RTL4: variants seen among roughly 807,000 people sequenced by gnomAD.
RTL4 encodes retrotransposon Gag like 4, also known as retrotransposon Gag-like protein 4.
In RTL4, 4 loss-of-function variants were observed where a neutral mutation model predicts 5.3. The observed-to-expected ratio is 0.75, with a 90% CI of 0.37 to 1.72. The LOEUF is 1.72. Among genes scored for constraint, RTL4 ranks in the 40% most tolerant of loss-of-function variants. RTL4 has a pLI of 0.04. For missense variants in RTL4, 260 were observed against 227.1 expected (o/e 1.14, Z -0.93); for synonymous variants, 98 against 87.3 (o/e 1.12, Z -0.68).
At chrX:112,247,984 A>G in the RTL4 span, among the ~76,000 whole-genome samples, 2 of 112,030 alleles carry the variant, frequency 1.8e-5, no homozygotes, top group Admixed American at 9.5e-5. Flanking sequence ...ATGTAAACAG[A>G]TTTGGCTAAT....
the RTL4 span, among the ~76,000 whole-genome samples, chrX:112,157,062 GT>G: frequency 1.1e-5 from 1 of 92,225 alleles, no homozygotes; most frequent in African/African-American, 4.3e-5. Context: ...CTGTTATACT[GT>G]TTGTGTGTGT....
chrX:112,360,876 G>A, the RTL4 span, among the ~76,000 whole-genome samples: 2 of 110,861 alleles, frequency 1.8e-5, no homozygotes, highest in East Asian at 2.8e-4. Flanking sequence ...ATTCATAATC[G>A]TATGTCATAT....
At chrX:112,370,904 GGTCATCAT>G in the RTL4 span, among the ~76,000 whole-genome samples, 2 of 110,185 alleles carry the variant, frequency 1.8e-5, no homozygotes, top group African/African-American at 6.6e-5. Flanking sequence ...ATTGCTCTGA[GGTCATCAT>G]GTTCCCTGTC....
At chrX:112,340,635 A>G in the RTL4 span, among the ~76,000 whole-genome samples, 1 of 107,043 alleles carries the variant, frequency 9.3e-6, no homozygotes, top group Admixed American at 9.9e-5. Flanking sequence ...TTAGGCCGTT[A>G]GGACAAAAAA....
chrX:112,303,280 G>A, the RTL4 span, among the ~76,000 whole-genome samples: 9 of 111,016 alleles, frequency 8.1e-5, 1 homozygote, highest in Admixed American at 2.9e-4. Context: ...AGTTCATTAC[G>A]TGTTAATTAG....
At chrX:112,172,061 T>C in the RTL4 span, among the ~76,000 whole-genome samples, 2 of 111,922 alleles carry the variant, frequency 1.8e-5, no homozygotes, top group Admixed American at 1.9e-4. Flanking sequence ...AGGCTGGGCG[T>C]GGTGGCTCAC....
At chrX:112,271,601 T>C in the RTL4 span, among the ~76,000 whole-genome samples, 2 of 112,352 alleles carry the variant, frequency 1.8e-5, no homozygotes, top group South Asian at 7.4e-4. Flanking sequence ...CTTGAGAGTT[T>C]ATAATATTGT....
At chrX:112,156,798 G>A in the RTL4 span, among the ~76,000 whole-genome samples, 1 of 111,461 alleles carries the variant, frequency 9.0e-6, no homozygotes, top group African/African-American at 3.3e-5. Context: ...TAAATTCCTG[G>A]ATGGCTCAAT....
chrX:112,261,892 A>C, the RTL4 span, among the ~76,000 whole-genome samples: 1 of 111,379 alleles, frequency 9.0e-6, no homozygotes, highest in African/African-American at 3.3e-5. Context: ...AATACCACAC[A>C]TCTACAACCA....
the RTL4 span, among the ~76,000 whole-genome samples, chrX:112,370,603 G>C: frequency 1.8e-5 from 2 of 111,267 alleles, no homozygotes; most frequent in African/African-American, 6.5e-5. Flanking sequence ...CAAGGAAGGG[G>C]GAGGCACCAT....
At chrX:112,438,883 T>A in the RTL4 span, among the ~76,000 whole-genome samples, 48 of 112,239 alleles carry the variant, frequency 4.3e-4, no homozygotes, top group African/African-American at 1.3e-3. Flanking sequence ...ATGCCACTCA[T>A]CCTTAACTAA....
the RTL4 span, among the ~76,000 whole-genome samples, chrX:112,173,643 G>A: frequency 9.0e-6 from 1 of 110,580 alleles, no homozygotes; most frequent in Non-Finnish European, 1.9e-5. Flanking sequence ...GCATGTCGGG[G>A]AGTTTGCTTA....
chrX:112,289,209 C>A, the RTL4 span, among the ~76,000 whole-genome samples: 1 of 111,624 alleles, frequency 9.0e-6, no homozygotes, highest in Non-Finnish European at 1.9e-5. Flanking sequence ...GGGCAGGAAA[C>A]CCTTTTCATG....
At chrX:112,315,934 A>G in the RTL4 span, among the ~76,000 whole-genome samples, 1 of 111,923 alleles carries the variant, frequency 8.9e-6, no homozygotes, top group East Asian at 2.8e-4. Flanking sequence ...TTCATGTGCA[A>G]CTTACTTTGG....
At chrX:112,393,162 T>TG in the RTL4 span, among the ~76,000 whole-genome samples, 9 of 78,754 alleles carry the variant, frequency 1.1e-4, no homozygotes, top group African/African-American at 6.2e-4. Flanking sequence ...TTTTTTTTTG[T>TG]TTTTTTTTTT....
chrX:112,366,023 G>C, the RTL4 span, among the ~76,000 whole-genome samples: 41 of 111,098 alleles, frequency 3.7e-4, no homozygotes, highest in South Asian at 1.5e-3. Flanking sequence ...TTTCTGCTTT[G>C]AGCTGTGGCT....
chrX:112,395,629 C>T, the RTL4 span, among the ~76,000 whole-genome samples: 1 of 111,490 alleles, frequency 9.0e-6, no homozygotes, highest in African/African-American at 3.3e-5. Flanking sequence ...AAATGATTTT[C>T]GTAGACTTGC....
the RTL4 span, among the ~76,000 whole-genome samples, chrX:112,135,258 A>G: frequency 8.9e-6 from 1 of 111,962 alleles, no homozygotes; most frequent in Non-Finnish European, 1.9e-5. Context: ...ATAGCTGTGT[A>G]GCAATATCTC....
chrX:112,315,153 C>T, the RTL4 span, among the ~76,000 whole-genome samples: 5 of 111,638 alleles, frequency 4.5e-5, no homozygotes, highest in Non-Finnish European at 9.4e-5. Context: ...TCAGGCCCCA[C>T]GTGTTGGTGA....
Sources: gnomAD v4.1 joint callset for allele counts (sites outside exome capture counted in the v4.1 genomes callset) on GRCh38, gnomAD v4.1.1 for gene constraint, MANE v1.5 for transcripts, NCBI Gene and HGNC (gene_info 2026-07-23, HGNC 2026-07-21) for gene names.